CPNE6: variants seen among roughly 807,000 people sequenced by gnomAD.
CPNE6 encodes copine-6.
Under a neutral mutation model 71.5 loss-of-function variants are expected in CPNE6, and 33 were observed. The ratio of observed to expected loss-of-function variants is 0.46; its 90% CI spans 0.35 to 0.62. The LOEUF (loss-of-function observed/expected upper bound fraction) is 0.62. CPNE6 is among the 20% of genes least tolerant of loss of function. The probability of loss-of-function intolerance (pLI) is 0.00; values close to 1 mark genes in which losing one functional copy is unlikely to be tolerated. For synonymous variants in CPNE6, 296 were observed against 293.0 expected (o/e 1.01, Z -0.10); for missense variants, 576 against 747.3 (o/e 0.77, Z 2.67).
Position 24,074,226 on chromosome 14 carries a change from A to G in CPNE6, c.424-65A>G. 1.3e-6 allele frequency: 2 copies of G among 1,594,498 alleles called. No individual in the cohort carries two copies. Among genetic ancestry groups the G allele is most frequent in the Non-Finnish European group, 1.7e-6 (2 of 1,162,254 alleles). ...GCCCAGGACCACCCCCACCTAAGGG[A>G]AAGGGGATGGGGTGGCCCTTGTGGT... On this transcript the variant is annotated intron_variant, in intron 5 of 17. Transcript: ENST00000397016. The surrounding 1 kb of genome is among the most constrained non-coding windows in gnomAD (Gnocchi z 4.5).
chr14:24,073,843 CTCTGAG>C lies in CPNE6; in HGVS notation c.348+169_348+174del. On this transcript the variant is annotated intron_variant, in intron 4 of 17. Coordinates refer to ENST00000397016, the Ensembl canonical transcript of CPNE6. The surrounding 1 kb of genome is among the most constrained non-coding windows in gnomAD (Gnocchi z 5.5). ...CAGCCTCAGGAAAGATACTTAACCT[CTCTGAG>C]TCTTAGTTTTCCTATCTAAAAAATG... Among the ~76,000 whole-genome samples the C allele has an allele frequency of 1.3e-5, 2 of 152,358 alleles. No individual in the cohort carries two copies.
rs2138844228 is a variant in CPNE6, at chr14:24,073,138, TG to T, written c.168+37del. ...AGCTCAGGTTTCTCCTTAACTAACC[TG>T]GGTTAAGCTTGGGAAAGAGGGAGGC... On this transcript the variant is annotated intron_variant, in intron 3 of 17. Coordinates refer to ENST00000397016, the Ensembl canonical transcript of CPNE6. The surrounding 1 kb of genome is among the most constrained non-coding windows in gnomAD (Gnocchi z 5.5). 1 of 1,425,018 alleles carries T rather than the reference TG, an allele frequency of 7.0e-7. No homozygotes were observed. Among genetic ancestry groups the T allele is most frequent in the Non-Finnish European group, 9.2e-7 (1 of 1,089,660 alleles). 88.3% of individuals were successfully genotyped at this position (1,425,018 alleles called of 1,614,324 possible).
At position 24,073,403 on chromosome 14, in the gene CPNE6, G is replaced by A; in HGVS notation, c.169-96G>A. The stretch of plus-strand genomic sequence containing the variant: ...AGAGCTGGTTGCTGGGGACGTGGGG[G>A]CCCAAGAAGAGCTGGCATGACTAGG... On this transcript the variant is annotated intron_variant, in intron 3 of 17. Coordinates refer to ENST00000397016, the Ensembl canonical transcript of CPNE6. The surrounding 1 kb of genome is among the most constrained non-coding windows in gnomAD (Gnocchi z 5.5). 3 of 1,356,766 alleles carry A rather than the reference G, an allele frequency of 2.2e-6. No individual in the cohort carries two copies. Among genetic ancestry groups the A allele is most frequent in the Non-Finnish European group, 2.0e-6 (2 of 991,320 alleles). 84.0% of individuals were successfully genotyped at this position (1,356,766 alleles called of 1,614,324 possible).
In CPNE6 at chr14:24,075,580, G is replaced by T. The variant is rs2036034609; in HGVS notation, c.853G>T (p.Ala285Ser). 4 of 1,610,794 alleles carry T rather than the reference G, an allele frequency of 2.5e-6. 1 individual carries two copies. The South Asian group carries it at 4.4e-5, about 18-fold the overall frequency. Residue 285 changes from alanine to serine, a missense_variant, in exon 10 of 18, where the codon GCC (alanine) becomes TCC (serine). Transcript: ENST00000397016. The surrounding 1 kb of genome is among the most constrained non-coding windows in gnomAD (Gnocchi z 4.3). ...CAAGAGCTCAGGGACGGTAGTGCTG[G>T]CCCAGTGCACGGTAAATTTCACTTC...
In CPNE6 at chr14:24,074,229, G is replaced by C. The variant is rs1227732752; in HGVS notation, c.424-62G>C. 3.1e-6 allele frequency: 5 copies of C among 1,597,302 alleles called. No homozygotes were observed. The highest frequency in any genetic ancestry group is 1.7e-4 in the Middle Eastern group (1 of 6,050). ...CAGGACCACCCCCACCTAAGGGAAA[G>C]GGGATGGGGTGGCCCTTGTGGTAAG... is the stretch of plus-strand genomic sequence containing the variant. On this transcript the variant is annotated intron_variant, in intron 5 of 17. Coordinates refer to ENST00000397016, the Ensembl canonical transcript of CPNE6. This position sits in a 1 kb window ranked among gnomAD's most constrained non-coding sequence, Gnocchi z 4.5.
At position 24,074,247 on chromosome 14, in the gene CPNE6, G is replaced by C; in HGVS notation, c.424-44G>C. ...AGGGAAAGGGGATGGGGTGGCCCTTGTGGTAAGGTTAGGGGAGTCCTGCCA... is the reference window on the plus strand; with the variant it reads ...AGGGAAAGGGGATGGGGTGGCCCTTCTGGTAAGGTTAGGGGAGTCCTGCCA... On this transcript the variant is annotated intron_variant, in intron 5 of 17. Coordinates refer to ENST00000397016, the Ensembl canonical transcript of CPNE6. The surrounding 1 kb of genome is among the most constrained non-coding windows in gnomAD (Gnocchi z 4.5). The C allele has an allele frequency of 1.2e-6, 2 of 1,605,286 alleles. No homozygotes were observed. Among genetic ancestry groups the C allele is most frequent in the Non-Finnish European group, 1.7e-6 (2 of 1,172,708 alleles).
intron 1 of CPNE6, 61 bp from the exon 1 acceptor site, chr14:24,071,501 G>GGGGCCCCCCCCCCC: frequency 8.3e-5 from 117 of 1,416,582 alleles, no homozygotes; most frequent in Non-Finnish European, 1.1e-4. Flanking sequence ...CTGGTGCTGC[G>GGGGCCCCCCCCCCC]CCCCCCCCCA....
chr14:24,071,005 A>G (rs977778206), exon 1 of CPNE6: 1 of 1,535,596 alleles, frequency 6.5e-7, no homozygotes, highest in African/African-American at 1.4e-5. Context: ...GAGCACGGGA[A>G]GATCACATCC....
rs758018281 is a variant in CPNE6 at position 24,074,693 on chromosome 14, G to T, written c.583-13G>T. On this transcript the variant is annotated splice_polypyrimidine_tract_variant and intron_variant, in intron 7 of 17. Transcript: ENST00000397016. The surrounding 1 kb of genome is among the most constrained non-coding windows in gnomAD (Gnocchi z 4.5). ...CAGACAGGAGCTGACCAGCCACCTG[G>T]TGCCTCTCCAAGGTGGTGAAGAACA... The T allele has an allele frequency of 1.2e-6, 2 of 1,613,964 alleles. No individual in the cohort carries two copies. Among genetic ancestry groups the T allele is most frequent in the African/African-American group, 1.3e-5 (1 of 74,908 alleles).
Position 24,075,142 on chromosome 14 carries a change from C to G in CPNE6, c.673-30C>G. The G allele has an allele frequency of 6.4e-7, 1 of 1,552,788 alleles. No individual in the cohort carries two copies. Among genetic ancestry groups the G allele is most frequent in the Non-Finnish European group, 8.9e-7 (1 of 1,124,002 alleles). ...GTGAATACCGCAGAGCATCTCCAAC[C>G]TGACCCCACCCCTCCCCCTGCCTTC... On this transcript the variant is annotated intron_variant, in intron 8 of 17. Transcript: ENST00000397016. This position sits in a 1 kb window ranked among gnomAD's most constrained non-coding sequence, Gnocchi z 4.3.
At position 24,073,692 on chromosome 14, in the gene CPNE6, G is replaced by A. The variant is rs763483425; in HGVS notation, c.348+14G>A. 1 of 1,606,278 alleles carries A rather than the reference G, an allele frequency of 6.2e-7. No homozygotes were observed. Among genetic ancestry groups the A allele is most frequent in the South Asian group, 1.1e-5 (1 of 90,316 alleles). The stretch of plus-strand genomic sequence containing the variant: ...ACCTTGGGCCAGGTCTGCATTCCCG[G>A]CCTCCCCGGCTACCCTACCCTACCT... On this transcript the variant is annotated intron_variant, in intron 4 of 17. Coordinates refer to ENST00000397016, the Ensembl canonical transcript of CPNE6. This position sits in a 1 kb window ranked among gnomAD's most constrained non-coding sequence, Gnocchi z 5.5.
In CPNE6 at chr14:24,075,313, A is replaced by G. The variant is rs201205758; in HGVS notation, c.777+37A>G. On this transcript the variant is annotated intron_variant, in intron 9 of 17. Transcript: ENST00000397016. This position sits in a 1 kb window ranked among gnomAD's most constrained non-coding sequence, Gnocchi z 4.3. ...ACCCCACCCCCAGAATCCCACCCAGATCCCTGGGAGAATCCTGAGGGTGAT... is the reference window on the plus strand; with the variant it reads ...ACCCCACCCCCAGAATCCCACCCAGGTCCCTGGGAGAATCCTGAGGGTGAT... 3.7e-5 allele frequency: 58 copies of G among 1,554,402 alleles called. No homozygotes were observed. In the African/African-American group the frequency reaches 7.3e-4, roughly 20 times the overall value.
At position 24,073,585 on chromosome 14, in the gene CPNE6, G is replaced by A. The variant is rs771806983; in HGVS notation, c.255G>A (p.Gln85=). ...TTGAGTATTTTTTTGAGGAGAAGCA[G>A]CCCCTGCAGTTCCACGTGTTCGATG... The change falls in exon 4 of 18, where the codon CAG becomes CAA. Residue 85 remains glutamine (Q), a synonymous_variant. Coordinates refer to ENST00000397016, the Ensembl canonical transcript of CPNE6. This position sits in a 1 kb window ranked among gnomAD's most constrained non-coding sequence, Gnocchi z 5.5. 6.2e-7 allele frequency: 1 copy of A among 1,613,896 alleles called. No homozygotes were observed.
At position 24,073,215 on chromosome 14, in the gene CPNE6, C is replaced by A. The variant is rs538863807; in HGVS notation, c.168+111C>A. The A allele has an allele frequency of 2.2e-4, 269 of 1,228,840 alleles. 1 individual carries two copies. The highest frequency in any genetic ancestry group is 4.0e-4 in the South Asian group (21 of 52,246). The allele number at this position is 1,228,840 out of a possible 1,614,324, so 76.1% of individuals were successfully genotyped here. ...AGGGAAATGTGTGGACTCTGCGGCG[C>A]CTTCTCGAGGCCGCTTGGGTACCCT... is the stretch of plus-strand genomic sequence containing the variant. On this transcript the variant is annotated intron_variant, in intron 3 of 17. Transcript: ENST00000397016. The surrounding 1 kb of genome is among the most constrained non-coding windows in gnomAD (Gnocchi z 5.5).
chr14:24,076,256 G>A (rs1287273780), exon 12 of CPNE6: 1 of 1,614,210 alleles, frequency 6.2e-7, no homozygotes, highest in East Asian at 2.2e-5. Flanking sequence ...TGCGTGCAGT[G>A]GGAGGCATCT....
rs958041710 is a variant in CPNE6 at position 24,073,912 on chromosome 14, T to TA, written c.349-134dup. Reference sequence around the variant, plus strand: ...GAGTGCTTCCCTCTTCAGACTATTGTAAAAATTGAGCCCAACCCTAGCCCA... The same window carrying TA: ...GAGTGCTTCCCTCTTCAGACTATTGTAAAAAATTGAGCCCAACCCTAGCCCA... On this transcript the variant is annotated intron_variant, in intron 4 of 17. Transcript: ENST00000397016. The surrounding 1 kb of genome is among the most constrained non-coding windows in gnomAD (Gnocchi z 5.5). The TA allele has an allele frequency of 1.5e-5, 13 of 886,764 alleles. No homozygotes were observed. In the African/African-American group the frequency reaches 1.6e-4, roughly 11 times the overall value. 54.9% of individuals were successfully genotyped at this position (886,764 alleles called of 1,614,324 possible). A position where few individuals can be genotyped will look rare whatever the true frequency, so the allele number is the denominator to read the frequency against.
At position 24,073,613 on chromosome 14, in the gene CPNE6, G is replaced by A. The variant is rs751013597; in HGVS notation, c.283G>A (p.Glu95Lys). Residue 95 changes from glutamate (E) to lysine (K), a missense_variant, in exon 4 of 18, where the codon GAG becomes AAG. Around this residue, in one of 4 missense-constraint regions of CPNE6, gnomAD observed 214 missense variants for 291.2 expected, o/e 0.73. Coordinates refer to ENST00000397016, the Ensembl canonical transcript of CPNE6. This position sits in a 1 kb window ranked among gnomAD's most constrained non-coding sequence, Gnocchi z 5.5. ...CCTGCAGTTCCACGTGTTCGATGCC[G>A]AGGACGGAGCCACCAGCCCCCGAAA... is the stretch of plus-strand genomic sequence containing the variant. 5.6e-6 allele frequency: 9 copies of A among 1,613,888 alleles called. No homozygotes were observed. Among genetic ancestry groups the A allele is most frequent in the Admixed American group, 3.3e-5 (2 of 59,996 alleles).
Position 24,073,398 on chromosome 14 carries a change from TG to T in CPNE6, c.169-96del. ...AGAGAAGAGCTGGTTGCTGGGGACG[TG>T]GGGGCCCAAGAAGAGCTGGCATGAC... On this transcript the variant is annotated intron_variant, in intron 3 of 17. Coordinates refer to ENST00000397016, the Ensembl canonical transcript of CPNE6. The surrounding 1 kb of genome is among the most constrained non-coding windows in gnomAD (Gnocchi z 5.5). The T allele has an allele frequency of 2.3e-6, 3 of 1,323,968 alleles. No individual in the cohort carries two copies. Among genetic ancestry groups the T allele is most frequent in the Non-Finnish European group, 3.1e-6 (3 of 962,324 alleles). The allele number at this position is 1,323,968 out of a possible 1,614,324, so 82.0% of individuals were successfully genotyped here.
intron 14 of CPNE6, 68 bp from the exon 14 acceptor site, chr14:24,076,811 G>T (rs1014765785): frequency 6.2e-7 from 1 of 1,604,178 alleles, no homozygotes; most frequent in Admixed American, 1.7e-5. Context: ...GCATTTCCTT[G>T]CTTTAAGGAG....
Sources: gnomAD v4.1 joint callset for allele counts (sites outside exome capture counted in the v4.1 genomes callset) on GRCh38, gnomAD v4.1.1 for gene constraint, gnomAD v4.1.1 regional missense constraint, Gnocchi (gnomAD v3.1) non-coding constraint, MANE v1.5 for transcripts, NCBI Gene and HGNC (gene_info 2026-07-23, HGNC 2026-07-21) for gene names.